FNBP1: variants seen among roughly 807,000 people sequenced by gnomAD.
The protein encoded by FNBP1 is formin binding protein 1.
In FNBP1, 26 loss-of-function variants were observed where a neutral mutation model predicts 90.6. The observed-to-expected ratio is 0.29, with a 90% CI of 0.21 to 0.40. FNBP1 has a LOEUF of 0.40. Among genes scored for constraint, FNBP1 ranks in the 10% least tolerant of loss-of-function variants. The pLI is 1.00. For missense variants in FNBP1, 635 were observed against 768.0 expected (o/e 0.83, Z 2.05); for synonymous variants, 260 against 265.2 (o/e 0.98, Z 0.19).
Position 129,987,599 on chromosome 9 carries a change from G to A in FNBP1, c.140+7244C>T, listed in dbSNP as rs140891699. ...TCTGTCACCCAGGCTGGAGTGCAGTGGCGTCATCTTGGCTCACTGCAACCT... is the reference window on the plus strand; with the variant it reads ...TCTGTCACCCAGGCTGGAGTGCAGTAGCGTCATCTTGGCTCACTGCAACCT... On this transcript the variant is annotated intron_variant, in intron 2 of 16. Coordinates refer to ENST00000446176, the MANE Select transcript of FNBP1 (RefSeq NM_015033.3). Among the ~76,000 whole-genome samples the A allele has an allele frequency of 5.8e-3, 878 of 151,956 alleles. 13 individuals are homozygous for A. The highest frequency in any genetic ancestry group is 0.02 in the African/African-American group (843 of 41,390).
At chr9:130,019,299 C>CA (rs377349862) in intron 1 of FNBP1, among the ~76,000 whole-genome samples, 3,062 of 78,960 alleles carry the variant, frequency 0.039, 102 homozygotes, top group African/African-American at 0.12. Flanking sequence ...GACTCTGTCT[C>CA]AAAAAAAAAA....
At position 129,927,334 on chromosome 9, in the gene FNBP1, T is replaced by C; in HGVS notation, c.650A>G (p.Gln217Arg). ...CACAATCCTCCTTTCCTCCATCTCT[T>C]GTATTTTCTGCAACATTAGATTTTG... ...THIPNIFQKI[Q>R]EMEERRIVRM... is the part of the protein sequence containing the mutation. Residue 217 changes from glutamine to arginine, a missense_variant, in exon 8 of 17, where the codon CAA becomes CGA. Physicochemically the swap from Gln to Arg is conservative, Grantham distance 43. Transcript: ENST00000446176. 1 of 1,610,512 alleles carries C rather than the reference T, an allele frequency of 6.2e-7. No individual in the cohort carries two copies. The highest frequency in any genetic ancestry group is 8.5e-7 in the Non-Finnish European group (1 of 1,178,116).
At chr9:129,989,894 C>T (rs1295003435) in intron 2 of FNBP1, among the ~76,000 whole-genome samples, 1 of 152,030 alleles carries the variant, frequency 6.6e-6, no homozygotes, top group Non-Finnish European at 1.5e-5. Flanking sequence ...AAAAATTAGC[C>T]GGGTGTGGCA....
At chr9:129,986,174 A>C (rs2052200018) in intron 2 of FNBP1, among the ~76,000 whole-genome samples, 1 of 152,020 alleles carries the variant, frequency 6.6e-6, no homozygotes, top group African/African-American at 2.4e-5. Context: ...AAAGTGAAAG[A>C]TATGACAGGT....
intron 15 of FNBP1, 69 bp from the exon 16 acceptor site, chr9:129,896,065 C>T (rs1044600615): frequency 1.3e-4 from 188 of 1,468,374 alleles, no homozygotes; most frequent in Middle Eastern, 1.1e-3. Context: ...CAGTGGCCTT[C>T]GCAATGAAAC....
intron 1 of FNBP1, among the ~76,000 whole-genome samples, chr9:130,037,440 A>G (rs1336056205): frequency 6.6e-6 from 1 of 152,208 alleles, no homozygotes; most frequent in Non-Finnish European, 1.5e-5. Flanking sequence ...GGGCAGTAAG[A>G]AGAGGTAATA....
intron 6 of FNBP1, among the ~76,000 whole-genome samples, chr9:129,946,287 T>C (rs1239740107): frequency 6.6e-6 from 1 of 152,204 alleles, no homozygotes; most frequent in Non-Finnish European, 1.5e-5. Flanking sequence ...GGGACATCTA[T>C]ATGTAGAATT....
chr9:129,958,687 G>A, intron 4 of FNBP1, 134 bp from the exon 5 acceptor site: 1 of 684,106 alleles, frequency 1.5e-6, no homozygotes, highest in Non-Finnish European at 2.5e-6. Context: ...AAATTTAAGA[G>A]TTGAAAGGGG....
chr9:130,022,496 C>T (rs117483095), intron 1 of FNBP1, among the ~76,000 whole-genome samples: 4,515 of 152,272 alleles, frequency 0.03, 86 homozygotes, highest in Non-Finnish European at 0.043. Flanking sequence ...GGTAAGCCAC[C>T]GTGCCCGACC....
intron 4 of FNBP1, among the ~76,000 whole-genome samples, chr9:129,963,684 G>A (rs1172591646): frequency 2.8e-5 from 4 of 142,214 alleles, no homozygotes; most frequent in African/African-American, 5.3e-5. Context: ...GCACAATCTC[G>A]GCTCACTGCA....
At chr9:129,917,165 A>G (rs549631972) in intron 10 of FNBP1, among the ~76,000 whole-genome samples, 1 of 152,136 alleles carries the variant, frequency 6.6e-6, no homozygotes, top group African/African-American at 2.4e-5. Flanking sequence ...GGTGCCTGCC[A>G]CCACGCCCAG....
chr9:130,023,749 T>C (rs184038861), intron 1 of FNBP1, among the ~76,000 whole-genome samples: 5 of 152,222 alleles, frequency 3.3e-5, no homozygotes, highest in Middle Eastern at 3.4e-3. Flanking sequence ...CAGGATCCCA[T>C]GGAAACGTCA....
rs1409366604 is a variant in FNBP1, at chr9:129,966,741, C to CAACAACAACAACA, written c.346-8201_346-8189dup. On this transcript the variant is annotated intron_variant, in intron 4 of 16. Transcript: ENST00000446176. The surrounding 1 kb of genome is among the most constrained non-coding windows in gnomAD (Gnocchi z 4.3). ...GAGCGAGACTCCGTCTAAACAACAA[C>CAACAACAACAACA]AACAACAACAACAACAACAACAAAA... Among the ~76,000 whole-genome samples, 4 of 151,826 alleles carry CAACAACAACAACA rather than the reference C, an allele frequency of 2.6e-5. No homozygotes were observed. The South Asian group carries it at 8.3e-4, about 32-fold the overall frequency.
At position 129,993,982 on chromosome 9, in the gene FNBP1, G is replaced by A. The variant is rs117666477; in HGVS notation, c.140+861C>T. 6.4e-3 allele frequency among the ~76,000 whole-genome samples: 970 copies of A among 152,240 alleles called. 3 individuals carry two copies. Among genetic ancestry groups the A allele is most frequent in the East Asian group, 0.014 (74 of 5,180 alleles). ...CCCTCAACACATTACAGAAGGGAGT[G>A]TGAATTAGTACAAGCACACTGGAAA... On this transcript the variant is annotated intron_variant, in intron 2 of 16. Coordinates refer to ENST00000446176, the MANE Select transcript of FNBP1 (RefSeq NM_015033.3).
At chr9:129,916,904 C>G (rs909282296) in intron 10 of FNBP1, among the ~76,000 whole-genome samples, 1 of 152,154 alleles carries the variant, frequency 6.6e-6, no homozygotes, top group Non-Finnish European at 1.5e-5. Flanking sequence ...AACATTCTCT[C>G]CCACCCGAGA....
intron 1 of FNBP1, among the ~76,000 whole-genome samples, chr9:130,040,425 C>A (rs2059718188): frequency 6.6e-6 from 1 of 151,894 alleles, no homozygotes; most frequent in African/African-American, 2.4e-5. Flanking sequence ...TTGAGACCAG[C>A]CTGGCCAACA....
At chr9:129,912,024 A>C (rs1230687701) in intron 11 of FNBP1, among the ~76,000 whole-genome samples, 1 of 152,016 alleles carries the variant, frequency 6.6e-6, no homozygotes, top group Non-Finnish European at 1.5e-5. Context: ...GAACCCAAAG[A>C]GAGGGTCAGG....
chr9:130,046,544 G>GCCAA (rs1564650850), upstream of FNBP1, among the ~76,000 whole-genome samples: 1 of 120,564 alleles, frequency 8.3e-6, no homozygotes, highest in Non-Finnish European at 1.6e-5. Context: ...GACCAGCCTA[G>GCCAA]CCAACATAGT....
At chr9:129,926,368 CT>C (rs1175761552) in intron 8 of FNBP1, among the ~76,000 whole-genome samples, 1 of 152,134 alleles carries the variant, frequency 6.6e-6, no homozygotes, top group Non-Finnish European at 1.5e-5. Context: ...AAATAGGTCT[CT>C]AGGAATTCAA....
Sources: gnomAD v4.1 joint callset for allele counts (sites outside exome capture counted in the v4.1 genomes callset) on GRCh38, gnomAD v4.1.1 for gene constraint, Gnocchi (gnomAD v3.1) non-coding constraint, MANE v1.5 for transcripts, NCBI Gene and HGNC (gene_info 2026-07-23, HGNC 2026-07-21) for gene names.